Variants in KCNN2 observed in about 807,000 individuals in gnomAD.
KCNN2 encodes potassium calcium-activated channel subfamily N member 2.
A neutral mutation model predicts 55.5 loss-of-function variants in KCNN2; 24 were observed. That is an observed-to-expected ratio of 0.43 (90% CI 0.31 to 0.61). The LOEUF is 0.61. KCNN2 is among the 20% of genes least tolerant of loss of function. The pLI, the probability that KCNN2 is intolerant of heterozygous loss-of-function variation, is 0.08. For missense variants in KCNN2, 754 were observed against 853.6 expected, an observed-to-expected ratio of 0.88 and a Z score of 1.45; for synonymous variants, 431 against 336.1, an observed-to-expected ratio of 1.28 and a Z score of -3.09.
chr5:114,483,469 C>T (rs963694677), intron 5 of KCNN2, among the ~76,000 whole-genome samples: 2 of 151,790 alleles, frequency 1.3e-5, no homozygotes, highest in African/African-American at 2.4e-5. Context: ...AGATGGGGTT[C>T]CACTAGATGT....
At chr5:114,350,693 A>G (rs749739743) in intron 2 of KCNN2, among the ~76,000 whole-genome samples, 1 of 151,860 alleles carries the variant, frequency 6.6e-6, no homozygotes, top group Non-Finnish European at 1.5e-5. Context: ...TTTTCCTAGC[A>G]CTTTTTGTGG....
At chr5:114,460,265 A>G (rs1761130577) in intron 3 of KCNN2, among the ~76,000 whole-genome samples, 1 of 152,112 alleles carries the variant, frequency 6.6e-6, no homozygotes, top group African/African-American at 2.4e-5. Context: ...TTTGACAAGG[A>G]GTCTCACTCT....
intron 1 of KCNN2, among the ~76,000 whole-genome samples, chr5:114,177,385 C>T (rs568590406): frequency 1.2e-4 from 18 of 152,216 alleles, no homozygotes; most frequent in African/African-American, 4.3e-4. Context: ...GATCCACCCG[C>T]CTTGGCCTCC....
At chr5:114,314,886 T>C (rs1756469176) in intron 2 of KCNN2, among the ~76,000 whole-genome samples, 1 of 152,176 alleles carries the variant, frequency 6.6e-6, no homozygotes, top group Admixed American at 6.5e-5. Flanking sequence ...GAGGACCCTC[T>C]AAACATGAGG....
intron 1 of KCNN2, among the ~76,000 whole-genome samples, chr5:114,161,263 C>G (rs1752774192): frequency 6.6e-6 from 1 of 151,996 alleles, no homozygotes; most frequent in Non-Finnish European, 1.5e-5. Context: ...ACTTATGAAG[C>G]TTAGTTTGGC....
chr5:114,168,172 T>TACACACACAC (rs769162956), intron 1 of KCNN2, among the ~76,000 whole-genome samples: 6 of 127,152 alleles, frequency 4.7e-5, no homozygotes, highest in Non-Finnish European at 6.8e-5. Flanking sequence ...TGTGGATATA[T>TACACACACAC]ATACACACAC....
chr5:114,323,376 A>G (rs1230743696), intron 2 of KCNN2, among the ~76,000 whole-genome samples: 1 of 152,176 alleles, frequency 6.6e-6, no homozygotes, highest in Non-Finnish European at 1.5e-5. Context: ...GAGTGTACTC[A>G]TTTCATTTTG....
At chr5:114,355,681 T>G (rs1332013046) in intron 2 of KCNN2, among the ~76,000 whole-genome samples, 1 of 151,028 alleles carries the variant, frequency 6.6e-6, no homozygotes, top group Non-Finnish European at 1.5e-5. Flanking sequence ...CCAAACTGGA[T>G]GCCTGCAAGA....
intron 2 of KCNN2, among the ~76,000 whole-genome samples, chr5:114,304,458 A>G (rs1756229389): frequency 6.6e-6 from 1 of 152,184 alleles, no homozygotes; most frequent in African/African-American, 2.4e-5. Context: ...GGCGAATCTT[A>G]TAATATCCAG....
chr5:114,364,038 C>A, intron 2 of KCNN2, 37 bp downstream of exon 2: 3 of 1,481,970 alleles, frequency 2.0e-6, no homozygotes, highest in Non-Finnish European at 2.8e-6. Context: ...TGACCCAAAG[C>A]CCTACAGTCA....
At chr5:114,166,269 G>A (rs913219317) in intron 1 of KCNN2, among the ~76,000 whole-genome samples, 3 of 152,072 alleles carry the variant, frequency 2.0e-5, no homozygotes, top group African/African-American at 7.2e-5. Context: ...ATGAGCCCAA[G>A]TATTTGTTTC....
chr5:114,490,819 A>G (rs934670968), intron 6 of KCNN2: 3 of 397,354 alleles, frequency 7.5e-6, no homozygotes, highest in Non-Finnish European at 1.3e-5. Context: ...AATGTGATCC[A>G]AAATCATGAT....
intron 4 of KCNN2, among the ~76,000 whole-genome samples, chr5:114,472,182 G>A (rs1313715950): frequency 2.0e-5 from 3 of 152,106 alleles, no homozygotes; most frequent in Non-Finnish European, 4.4e-5. Flanking sequence ...TGAATTGGCT[G>A]CAGCACCTTG....
intron 3 of KCNN2, among the ~76,000 whole-genome samples, chr5:114,442,737 A>G (rs1760263306): frequency 6.6e-6 from 1 of 152,232 alleles, no homozygotes; most frequent in Non-Finnish European, 1.5e-5. Flanking sequence ...ACAGCAGTGC[A>G]GGGACTAAAG....
chr5:114,095,831 A>G (rs186595296), intron 1 of KCNN2, among the ~76,000 whole-genome samples: 1 of 147,422 alleles, frequency 6.8e-6, no homozygotes, highest in East Asian at 1.9e-4. Context: ...TCCAAATTGG[A>G]CTCCATATAT....
At chr5:114,070,890 T>C (rs899232182) in intron 1 of KCNN2, among the ~76,000 whole-genome samples, 1 of 152,194 alleles carries the variant, frequency 6.6e-6, no homozygotes, top group Non-Finnish European at 1.5e-5. Context: ...TTTGAGGAAT[T>C]AATGCCATTT....
chr5:114,078,449 A>T (rs1408866427), intron 1 of KCNN2, among the ~76,000 whole-genome samples: 1 of 152,140 alleles, frequency 6.6e-6, no homozygotes, highest in Non-Finnish European at 1.5e-5. Context: ...ATCATCGAGT[A>T]TGGCACCAGG....
chr5:114,305,573 G>C (rs867541929), intron 2 of KCNN2, among the ~76,000 whole-genome samples: 12 of 152,198 alleles, frequency 7.9e-5, no homozygotes, highest in African/African-American at 2.9e-4. Flanking sequence ...GCCTCAGCCA[G>C]ATGGTCTCTG....
At chr5:114,237,094 T>G (rs1274447666) in intron 2 of KCNN2, among the ~76,000 whole-genome samples, 1 of 152,130 alleles carries the variant, frequency 6.6e-6, no homozygotes, top group Non-Finnish European at 1.5e-5. Flanking sequence ...CTTGGGGATA[T>G]ATTTCTAAGA....
Sources: allele counts gnomAD v4.1 joint callset (sites outside exome capture counted in the v4.1 genomes callset), GRCh38; gene constraint gnomAD v4.1.1; transcripts MANE v1.5; gene names NCBI Gene and HGNC (gene_info 2026-07-23, HGNC 2026-07-21).